The following SNRNP27 variants were observed in gnomAD, a reference collection of about 807,000 sequenced individuals.
The protein encoded by SNRNP27 is small nuclear ribonucleoprotein U4/U6.U5 subunit 27, also known as U4/U6.U5 small nuclear ribonucleoprotein 27 kDa protein.
In SNRNP27, 22 loss-of-function variants were observed where a neutral mutation model predicts 25.1. The ratio of observed to expected loss-of-function variants is 0.88; its 90% CI spans 0.63 to 1.25. The LOEUF (loss-of-function observed/expected upper bound fraction) is 1.25, where lower values mean the gene tolerates loss of function less well. SNRNP27 is among the 50% of genes most tolerant of loss of function. The pLI is 0.00. For synonymous variants in SNRNP27, 66 were observed against 64.9 expected, an observed-to-expected ratio of 1.02 and a Z score of -0.08; for missense variants, 150 against 202.3, an observed-to-expected ratio of 0.74 and a Z score of 1.57.
chr2:69,895,063 C>G, intron 1 of SNRNP27, 31 bp from the exon 2 acceptor site: 2 of 1,610,112 alleles, frequency 1.2e-6, no homozygotes, highest in South Asian at 2.2e-5. Context: ...AGGTAATTAT[C>G]AGTTCTGCAA....
At position 69,903,219 on chromosome 2, in the gene SNRNP27, A is replaced by C; in HGVS notation, c.387A>C (p.Ile129=). 1 of 1,613,226 alleles carries C rather than the reference A, an allele frequency of 6.2e-7. No individual in the cohort carries two copies. Among genetic ancestry groups the C allele is most frequent in the South Asian group, 1.1e-5 (1 of 91,056 alleles). Residue 129 remains isoleucine (I), a synonymous_variant, in exon 5 of 6, where the codon ATA becomes ATC. Transcript: ENST00000244227. ...KVDGSVNAYA[I]NVSQKRKYRQ... The stretch of plus-strand genomic sequence containing the variant: ...ATGGCTCTGTAAATGCCTATGCCAT[A>C]AATGTCTCTCAGAAGAGGAAGTACA...
At chr2:69,902,706 TG>T (rs745420721) in intron 4 of SNRNP27, among the ~76,000 whole-genome samples, 3 of 151,962 alleles carry the variant, frequency 2.0e-5, no homozygotes, top group African/African-American at 7.3e-5. Context: ...CTTCTTCTTC[TG>T]CTTCTGCTGC....
At chr2:69,897,775 A>G (rs1676629943) in intron 4 of SNRNP27, 1 of 210,806 alleles carries the variant, frequency 4.7e-6, no homozygotes, top group Non-Finnish European at 9.5e-6. Flanking sequence ...TATTGTGGGA[A>G]TTTCAGATTC....
chr2:69,904,526 G>T lies in SNRNP27; in HGVS notation c.*218G>T, dbSNP rs1259987210. On this transcript the variant is annotated 3_prime_UTR_variant, in exon 6 of 6. Coordinates refer to ENST00000244227, the MANE Select transcript of SNRNP27 (RefSeq NM_006857.3). ...TTTTCTTTTAGGAAATATCATTTGT[G>T]GCAGGCGTCAACCCCATTTTATTTG... The T allele has an allele frequency of 3.3e-6, 2 of 602,254 alleles. No individual in the cohort carries two copies. The highest frequency in any genetic ancestry group is 6.9e-5 in the Admixed American group (2 of 28,778). 37.3% of individuals were successfully genotyped at this position (602,254 alleles called of 1,614,324 possible).
chr2:69,894,962 G>A (rs765649657), intron 1 of SNRNP27, 132 bp from the exon 2 acceptor site: 1 of 1,313,294 alleles, frequency 7.6e-7, no homozygotes, highest in Non-Finnish European at 1.0e-6. Context: ...ACAGGCGTGA[G>A]CCACCGCTCC....
At chr2:69,902,689 G>A (rs1226076736) in intron 4 of SNRNP27, among the ~76,000 whole-genome samples, 1 of 135,046 alleles carries the variant, frequency 7.4e-6, no homozygotes, top group African/African-American at 3.1e-5. Context: ...TCCTTCTGCT[G>A]CTCTTGCTTC....
chr2:69,901,437 G>C (rs769295571), intron 4 of SNRNP27, among the ~76,000 whole-genome samples: 9 of 152,176 alleles, frequency 5.9e-5, no homozygotes, highest in Non-Finnish European at 1.2e-4. Context: ...AAGAGGATGG[G>C]TGCTACATTC....
chr2:69,901,818 T>TA (rs918560099), intron 4 of SNRNP27, among the ~76,000 whole-genome samples: 17 of 152,274 alleles, frequency 1.1e-4, no homozygotes, highest in African/African-American at 3.9e-4. Context: ...GCCCTGTGTC[T>TA]AAAAAATAAT....
In SNRNP27 at chr2:69,898,183, G is replaced by A. The variant is rs1185177657; in HGVS notation, c.348+727G>A. On this transcript the variant is annotated intron_variant, in intron 4 of 5. Coordinates refer to ENST00000244227, the MANE Select transcript of SNRNP27 (RefSeq NM_006857.3). ...AGTGATACAGTTAACCCAGAACAGA[G>A]TTTCTGGAAGGGGAACTGCTGGGAA... Among the ~76,000 whole-genome samples the A allele has an allele frequency of 2.0e-5, 2 of 99,230 alleles. 1 individual carries two copies. The highest frequency in any genetic ancestry group is 6.1e-4 in the East Asian group (2 of 3,258). The allele number at this position is 99,230 out of a possible 152,430, so 65.1% of individuals were successfully genotyped here.
intron 5 of SNRNP27, 112 bp from the exon 6 acceptor site, chr2:69,904,142 A>G (rs1313381969): frequency 4.6e-6 from 3 of 650,770 alleles, no homozygotes; most frequent in Non-Finnish European, 7.9e-6. Context: ...TCTACCCTAG[A>G]CTTTGCTATT....
rs1676762255 is a variant in SNRNP27, at chr2:69,904,553, C to T, written c.*245C>T. The T allele has an allele frequency of 1.7e-6, 1 of 590,796 alleles. No homozygotes were observed. Among genetic ancestry groups the T allele is most frequent in the Non-Finnish European group, 2.9e-6 (1 of 339,540 alleles). The allele number at this position is 590,796 out of a possible 1,614,324, so 36.6% of individuals were successfully genotyped here. A position where few individuals can be genotyped will look rare whatever the true frequency, so the allele number is the denominator to read the frequency against. On this transcript the variant is annotated 3_prime_UTR_variant, in exon 6 of 6. Transcript: ENST00000244227. Reference sequence around the variant, plus strand: ...CAGGCGTCAACCCCATTTTATTTGTCCTTATTCCTGTGGAAGCAGTATATG... The same window carrying T: ...CAGGCGTCAACCCCATTTTATTTGTTCTTATTCCTGTGGAAGCAGTATATG...
chr2:69,900,432 G>A (rs529305786), intron 4 of SNRNP27, among the ~76,000 whole-genome samples: 2 of 152,228 alleles, frequency 1.3e-5, no homozygotes, highest in Non-Finnish European at 2.9e-5. Context: ...TCCTATTATA[G>A]GGAGTTCAAA....
At chr2:69,894,095 T>C in intron 1 of SNRNP27, 77 bp downstream of exon 1, 2 of 1,386,772 alleles carry the variant, frequency 1.4e-6, no homozygotes, top group East Asian at 4.7e-5. Context: ...GTTTTGTTTT[T>C]GGTAGCCGCG....
chr2:69,902,561 C>T (rs544359204), intron 4 of SNRNP27, among the ~76,000 whole-genome samples: 53 of 151,884 alleles, frequency 3.5e-4, no homozygotes, highest in African/African-American at 1.2e-3. Flanking sequence ...TCTGCTGCTC[C>T]TTCTGCTGCT....
At chr2:69,901,393 G>A (rs1300887171) in intron 4 of SNRNP27, among the ~76,000 whole-genome samples, 1 of 152,170 alleles carries the variant, frequency 6.6e-6, no homozygotes, top group Admixed American at 6.5e-5. Context: ...AGTTGACTTG[G>A]CTGATCAGAA....
chr2:69,903,403 T>C, intron 5 of SNRNP27, 158 bp downstream of exon 5: 1 of 630,082 alleles, frequency 1.6e-6, no homozygotes, highest in Non-Finnish European at 2.8e-6. Flanking sequence ...TGTGTTAAAA[T>C]TGTTTTCCCA....
At chr2:69,896,626 A>G in intron 3 of SNRNP27, 78 bp downstream of exon 3, 1 of 1,385,612 alleles carries the variant, frequency 7.2e-7, no homozygotes, top group Non-Finnish European at 9.7e-7. Context: ...GAACATTTAA[A>G]TGTTAAGCCT....
chr2:69,902,443 G>A (rs567783954), intron 4 of SNRNP27, among the ~76,000 whole-genome samples: 2 of 151,898 alleles, frequency 1.3e-5, no homozygotes. Flanking sequence ...TGCTCCTTCT[G>A]CTGCTCTTGC....
intron 4 of SNRNP27, among the ~76,000 whole-genome samples, chr2:69,899,412 T>A (rs1558561702): frequency 6.6e-6 from 1 of 152,092 alleles, no homozygotes. Context: ...TTCATTTTTT[T>A]ATTTGTATTA....
Sources: gnomAD v4.1 joint callset for allele counts (sites outside exome capture counted in the v4.1 genomes callset) on GRCh38, gnomAD v4.1.1 for gene constraint, MANE v1.5 for transcripts, NCBI Gene and HGNC (gene_info 2026-07-23, HGNC 2026-07-21) for gene names.